MAPKAP1: variants seen among roughly 807,000 people sequenced by gnomAD.
The protein encoded by MAPKAP1 is target of rapamycin complex 2 subunit MAPKAP1.
A neutral mutation model predicts 65.7 loss-of-function variants in MAPKAP1; 20 were observed. That is an observed-to-expected ratio of 0.30 (90% CI 0.21 to 0.44). The LOEUF is 0.44. MAPKAP1 is among the 20% of genes least tolerant of loss of function. The pLI is 1.00. For synonymous variants in MAPKAP1, 222 were observed against 244.3 expected, an observed-to-expected ratio of 0.91 and a Z score of 0.85; for missense variants, 423 against 648.0, an observed-to-expected ratio of 0.65 and a Z score of 3.77.
intron 7 of MAPKAP1, among the ~76,000 whole-genome samples, chr9:125,524,479 C>T (rs1371133603): frequency 6.6e-6 from 1 of 152,224 alleles, no homozygotes; most frequent in East Asian, 1.9e-4. Context: ...AGCTTCTTAT[C>T]TTAAACAGGT....
chr9:125,674,115 C>T (rs571960629), intron 1 of MAPKAP1, among the ~76,000 whole-genome samples: 4 of 152,002 alleles, frequency 2.6e-5, no homozygotes, highest in South Asian at 2.1e-4. Flanking sequence ...CCCTATTACT[C>T]GTTAGCTATA....
intron 6 of MAPKAP1, among the ~76,000 whole-genome samples, chr9:125,557,959 C>T (rs190145596): frequency 1.8e-4 from 27 of 152,336 alleles, no homozygotes; most frequent in Admixed American, 1.7e-3. Flanking sequence ...CGGGTTCCAG[C>T]GATTCTCCTG....
intron 8 of MAPKAP1, among the ~76,000 whole-genome samples, chr9:125,501,748 TA>T (rs1828988082): frequency 6.6e-6 from 1 of 152,162 alleles, no homozygotes. Flanking sequence ...TGTCTTTTTC[TA>T]TAAATTTGTT....
In MAPKAP1 at chr9:125,681,223, G is replaced by A. The variant is rs148910908; in HGVS notation, c.-69-8580C>T. Among the ~76,000 whole-genome samples, 95 of 152,330 alleles carry A rather than the reference G, an allele frequency of 6.2e-4. 1 individual carries two copies. The highest frequency in any genetic ancestry group is 2.3e-3 in the African/African-American group (94 of 41,578). On this transcript the variant is annotated intron_variant, in intron 1 of 11. Transcript: ENST00000265960. ...ATCCTTGAATCTGGACTCACACTGCGATTTGCTTTGACCAACAGAATATAG... is the reference window on the plus strand; with the variant it reads ...ATCCTTGAATCTGGACTCACACTGCAATTTGCTTTGACCAACAGAATATAG...
chr9:125,527,633 C>T (rs1420642936), intron 7 of MAPKAP1, among the ~76,000 whole-genome samples: 4 of 152,206 alleles, frequency 2.6e-5, no homozygotes, highest in African/African-American at 7.2e-5. Context: ...CTTTCACACA[C>T]ACCCACACGT....
intron 5 of MAPKAP1, among the ~76,000 whole-genome samples, chr9:125,564,280 A>C (rs1396708395): frequency 1.3e-5 from 2 of 152,220 alleles, no homozygotes; most frequent in Non-Finnish European, 2.9e-5. Context: ...GATACTATGT[A>C]AAAATTTTCA....
At chr9:125,625,672 G>A (rs1833096686) in intron 4 of MAPKAP1, among the ~76,000 whole-genome samples, 1 of 152,150 alleles carries the variant, frequency 6.6e-6, no homozygotes, top group Non-Finnish European at 1.5e-5. Context: ...GTGTGTGCCT[G>A]TAATGCCAGT....
chr9:125,496,191 C>T (rs1297017777), intron 8 of MAPKAP1, among the ~76,000 whole-genome samples: 1 of 152,194 alleles, frequency 6.6e-6, no homozygotes, highest in Non-Finnish European at 1.5e-5. Context: ...AACCAGTCCA[C>T]ATTAACCAGA....
Position 125,447,138 on chromosome 9 carries a change from G to A in MAPKAP1, c.1346-2540C>T, listed in dbSNP as rs561619238. ...TTTGAACCAAGTAACCTCAAATCCC[G>A]TCCTCTGAATTTTGAATGTATTTGG... On this transcript the variant is annotated intron_variant, in intron 10 of 11. Coordinates refer to ENST00000265960, the MANE Select transcript of MAPKAP1 (RefSeq NM_001006617.3). The surrounding 1 kb of genome is among the most constrained non-coding windows in gnomAD (Gnocchi z 4.5). 2.6e-5 allele frequency among the ~76,000 whole-genome samples: 4 copies of A among 152,188 alleles called. No individual in the cohort carries two copies. The highest frequency in any genetic ancestry group is 5.9e-5 in the Non-Finnish European group (4 of 68,000).
chr9:125,525,682 C>CA (rs1046470707), intron 7 of MAPKAP1, among the ~76,000 whole-genome samples: 1 of 94,480 alleles, frequency 1.1e-5, no homozygotes, highest in African/African-American at 3.2e-5. Flanking sequence ...TCAAACAAAA[C>CA]AAAAAAACAA....
At chr9:125,609,894 TTC>T (rs1256814988) in intron 4 of MAPKAP1, among the ~76,000 whole-genome samples, 2 of 152,224 alleles carry the variant, frequency 1.3e-5, no homozygotes, top group Non-Finnish European at 2.9e-5. Flanking sequence ...GCCACATAAA[TTC>T]TCTCTTTTGA....
intron 9 of MAPKAP1, among the ~76,000 whole-genome samples, chr9:125,482,186 T>C (rs989720070): frequency 8.4e-5 from 12 of 143,694 alleles, no homozygotes; most frequent in Non-Finnish European, 1.2e-4. Flanking sequence ...ACAGAAAAAG[T>C]GCACAAATCA....
intron 7 of MAPKAP1, among the ~76,000 whole-genome samples, chr9:125,525,060 A>G (rs1267295306): frequency 6.6e-6 from 1 of 152,192 alleles, no homozygotes; most frequent in Non-Finnish European, 1.5e-5. Flanking sequence ...CATGGACTCA[A>G]TTTGAGCTGG....
intron 10 of MAPKAP1, among the ~76,000 whole-genome samples, chr9:125,461,808 G>C (rs1002143044): frequency 1.3e-5 from 2 of 152,184 alleles, no homozygotes; most frequent in Non-Finnish European, 2.9e-5. Flanking sequence ...TGGAGTGCCT[G>C]GATCTCCCGG....
intron 4 of MAPKAP1, among the ~76,000 whole-genome samples, chr9:125,615,556 A>G (rs1318243797): frequency 6.8e-6 from 1 of 147,274 alleles, no homozygotes; most frequent in African/African-American, 2.5e-5. Context: ...AAAAAAAAAA[A>G]AAATCAGCCA....
Position 125,464,204 on chromosome 9 carries a change from T to TTAAAAAAA in MAPKAP1, c.1345+3767_1345+3768insTTTTTTTA, listed in dbSNP as rs1554805633. On this transcript the variant is annotated intron_variant, in intron 10 of 11. Coordinates refer to ENST00000265960, the MANE Select transcript of MAPKAP1 (RefSeq NM_001006617.3). ...CACAGTGAGACCCTGTCTCATATAT[T>TTAAAAAAA]AAAAAAAAAAAAAAAAAAAAAAAAA... Among the ~76,000 whole-genome samples the TTAAAAAAA allele has an allele frequency of 3.4e-4, 28 of 83,332 alleles. 3 individuals are homozygous for TTAAAAAAA. The highest frequency in any genetic ancestry group is 5.3e-4 in the Non-Finnish European group (23 of 43,254). The allele number at this position is 83,332 out of a possible 152,430, so 54.7% of individuals were successfully genotyped here.
Position 125,447,584 on chromosome 9 carries a change from G to A in MAPKAP1, c.1346-2986C>T, listed in dbSNP as rs149078647. ...GGCGTTTCTGCCCCGAGTTCCCCTC[G>A]CTAGCAGCCCTGTTTCGCTGGGCGG... On this transcript the variant is annotated intron_variant, in intron 10 of 11. Coordinates refer to ENST00000265960, the MANE Select transcript of MAPKAP1 (RefSeq NM_001006617.3). The surrounding 1 kb of genome is among the most constrained non-coding windows in gnomAD (Gnocchi z 4.5). 3 of 433,992 alleles carry A rather than the reference G, an allele frequency of 6.9e-6. No homozygotes were observed. The highest frequency in any genetic ancestry group is 4.0e-5 in the African/African-American group (2 of 49,438). The allele number at this position is 433,992 out of a possible 1,614,324, so 26.9% of individuals were successfully genotyped here.
At position 125,535,255 on chromosome 9, in the gene MAPKAP1, T is replaced by C. The variant is rs78559859; in HGVS notation, c.958+7804A>G. On this transcript the variant is annotated intron_variant, in intron 7 of 11. Transcript: ENST00000265960. ...ATTTACCCATCTGACAAAGTTCTAA[T>C]TAATCTTCAAGGAGCCATCAAATAA... is the stretch of plus-strand genomic sequence containing the variant. Among the ~76,000 whole-genome samples, 773 of 152,290 alleles carry C rather than the reference T, an allele frequency of 5.1e-3. 4 individuals are homozygous for C. Among genetic ancestry groups the C allele is most frequent in the African/African-American group, 0.018 (728 of 41,550 alleles).
At chr9:125,519,527 G>C (rs1829559631) in intron 7 of MAPKAP1, among the ~76,000 whole-genome samples, 1 of 151,740 alleles carries the variant, frequency 6.6e-6, no homozygotes, top group South Asian at 2.1e-4. Flanking sequence ...TGCTTGGAAG[G>C]CTGAGGTGGG....
Sources: gnomAD v4.1 joint callset for allele counts (sites outside exome capture counted in the v4.1 genomes callset) on GRCh38, gnomAD v4.1.1 for gene constraint, Gnocchi (gnomAD v3.1) non-coding constraint, MANE v1.5 for transcripts, NCBI Gene and HGNC (gene_info 2026-07-23, HGNC 2026-07-21) for gene names.